ERC2: variants seen among roughly 807,000 people sequenced by gnomAD.
ERC2 encodes ERC protein 2.
Under a neutral mutation model 114.8 loss-of-function variants are expected in ERC2, and 42 were observed. That is an observed-to-expected ratio of 0.37 (90% CI 0.29 to 0.47). The LOEUF (loss-of-function observed/expected upper bound fraction) is 0.47, where lower values mean the gene tolerates loss of function less well. Among genes scored for constraint, ERC2 ranks in the 20% least tolerant of loss-of-function variants. The pLI is 0.99. For missense variants in ERC2, 939 were observed against 1,150.7 expected (o/e 0.82, Z 2.66); for synonymous variants, 454 against 425.5 (o/e 1.07, Z -0.82).
intron 3 of ERC2, among the ~76,000 whole-genome samples, chr3:56,286,220 C>G (rs1333016625): frequency 6.6e-6 from 1 of 151,922 alleles, no homozygotes; most frequent in East Asian, 1.9e-4. Flanking sequence ...TTGAGACCAG[C>G]CTGACCAACA....
chr3:56,219,482 T>C (rs1472945045), intron 3 of ERC2, among the ~76,000 whole-genome samples: 2 of 151,966 alleles, frequency 1.3e-5, no homozygotes, highest in African/African-American at 4.8e-5. Flanking sequence ...AACCAATATG[T>C]ATCCTGAGTT....
At chr3:56,456,133 G>C (rs1448758487) in intron 1 of ERC2, among the ~76,000 whole-genome samples, 1 of 152,188 alleles carries the variant, frequency 6.6e-6, no homozygotes, top group East Asian at 1.9e-4. Flanking sequence ...AATTCATTTA[G>C]TCTTTTTCTA....
At chr3:55,821,168 G>A (rs561261679) in intron 14 of ERC2, among the ~76,000 whole-genome samples, 1 of 152,296 alleles carries the variant, frequency 6.6e-6, no homozygotes, top group Admixed American at 6.5e-5. Context: ...AGTGAGATTA[G>A]ACTGATGAAT....
At chr3:55,593,125 G>A (rs1051267878) in intron 17 of ERC2, among the ~76,000 whole-genome samples, 3 of 152,178 alleles carry the variant, frequency 2.0e-5, no homozygotes, top group African/African-American at 4.8e-5. Flanking sequence ...GGGACTACAC[G>A]CTAGGCCCTT....
chr3:56,364,011 A>T (rs1490779078), intron 2 of ERC2, among the ~76,000 whole-genome samples: 1 of 152,240 alleles, frequency 6.6e-6, no homozygotes, highest in African/African-American at 2.4e-5. Flanking sequence ...CATGGTTTAT[A>T]AAACTCAGTC....
intron 15 of ERC2, among the ~76,000 whole-genome samples, chr3:55,731,551 C>G (rs2065252611): frequency 6.6e-6 from 1 of 152,158 alleles, no homozygotes; most frequent in African/African-American, 2.4e-5. Flanking sequence ...AGTATCTTGC[C>G]TGTAATCACT....
chr3:56,348,157 T>A (rs1354130677), intron 2 of ERC2, among the ~76,000 whole-genome samples: 1 of 152,178 alleles, frequency 6.6e-6, no homozygotes, highest in Non-Finnish European at 1.5e-5. Context: ...TTCCCTTCTG[T>A]CTTGCTTCCC....
intron 17 of ERC2, among the ~76,000 whole-genome samples, chr3:55,549,944 G>C (rs1466947086): frequency 9.1e-5 from 11 of 121,462 alleles, no homozygotes; most frequent in African/African-American, 2.7e-4. Flanking sequence ...GAGAGAGAGA[G>C]AGAGAGAGAG....
intron 3 of ERC2, among the ~76,000 whole-genome samples, chr3:56,223,109 G>A (rs553261756): frequency 6.6e-6 from 1 of 152,310 alleles, no homozygotes; most frequent in East Asian, 1.9e-4. Flanking sequence ...CCCAAAAACA[G>A]GGCAGCTGAC....
In ERC2 at chr3:55,886,145, A is replaced by C. The variant is rs568607397; in HGVS notation, c.2564+2244T>G. On this transcript the variant is annotated intron_variant, in intron 14 of 17. Transcript: ENST00000288221. ...ACACACAGGGAGGAAGACGAGAGAC[A>C]GGTGAACAGGAAAGAATACAGGCTG... Among the ~76,000 whole-genome samples, 16 of 152,368 alleles carry C rather than the reference A, an allele frequency of 1.1e-4. No homozygotes were observed. In the East Asian group the frequency reaches 3.1e-3, roughly 29 times the overall value.
At chr3:55,835,411 A>C (rs2060827924) in intron 14 of ERC2, among the ~76,000 whole-genome samples, 1 of 152,214 alleles carries the variant, frequency 6.6e-6, no homozygotes, top group Non-Finnish European at 1.5e-5. Context: ...ACCATGATCA[A>C]GTGGGCTTCA....
intron 8 of ERC2, among the ~76,000 whole-genome samples, chr3:56,013,604 T>C (rs1383426234): frequency 6.6e-6 from 1 of 152,220 alleles, no homozygotes. Context: ...CCATGATTAA[T>C]TAATGATGTC....
chr3:55,529,572 T>C (rs529185789), intron 17 of ERC2, among the ~76,000 whole-genome samples: 2 of 152,342 alleles, frequency 1.3e-5, no homozygotes, highest in East Asian at 3.9e-4. Context: ...CCTACATTTA[T>C]ATTTAATTTA....
At chr3:56,290,797 A>G (rs2055032999) in intron 3 of ERC2, among the ~76,000 whole-genome samples, 1 of 152,214 alleles carries the variant, frequency 6.6e-6, no homozygotes, top group South Asian at 2.1e-4. Flanking sequence ...TAAGGAGACC[A>G]GGAGACCAAT....
intron 3 of ERC2, among the ~76,000 whole-genome samples, chr3:56,288,872 A>G (rs2054897656): frequency 6.6e-6 from 1 of 152,264 alleles, no homozygotes; most frequent in South Asian, 2.1e-4. Context: ...TACTCGGGAA[A>G]GAGGCACAAA....
At chr3:55,992,350 TCACCAC>T in intron 10 of ERC2, 100 bp from the exon 11 acceptor site, 1 of 1,071,498 alleles carries the variant, frequency 9.3e-7, no homozygotes, top group Middle Eastern at 2.4e-4. Flanking sequence ...GGAGAGAAAA[TCACCAC>T]CAAGATTTAT....
At chr3:55,574,457 A>C (rs1177353175) in intron 17 of ERC2, among the ~76,000 whole-genome samples, 1 of 152,016 alleles carries the variant, frequency 6.6e-6, no homozygotes, top group Non-Finnish European at 1.5e-5. Flanking sequence ...CACTAGATAT[A>C]TCCAAGAGGA....
At chr3:55,990,262 T>A (rs2070958524) in intron 11 of ERC2, among the ~76,000 whole-genome samples, 1 of 152,220 alleles carries the variant, frequency 6.6e-6, no homozygotes, top group Non-Finnish European at 1.5e-5. Flanking sequence ...TCCTTGACTT[T>A]ACTGCTAAAA....
chr3:55,544,576 A>C (rs1327200613), intron 17 of ERC2, among the ~76,000 whole-genome samples: 2 of 152,182 alleles, frequency 1.3e-5, no homozygotes, highest in Non-Finnish European at 2.9e-5. Context: ...CTCACTTACC[A>C]GAGTCACTTA....
Sources: gnomAD v4.1 joint callset for allele counts (sites outside exome capture counted in the v4.1 genomes callset) on GRCh38, gnomAD v4.1.1 for gene constraint, MANE v1.5 for transcripts, NCBI Gene and HGNC (gene_info 2026-07-23, HGNC 2026-07-21) for gene names.